Variants in PGBD5 observed in about 807,000 individuals in gnomAD.
PGBD5 encodes piggyBac transposable element-derived protein 5.
In PGBD5, 14 loss-of-function variants were observed where a neutral mutation model predicts 47.9. The ratio of observed to expected loss-of-function variants is 0.29; its 90% confidence interval spans 0.19 to 0.46. The LOEUF is 0.46. PGBD5 is among the 20% of genes least tolerant of loss of function. The pLI, the probability that PGBD5 is intolerant of heterozygous loss-of-function variation, is 1.00. For missense variants in PGBD5, 635 were observed against 716.0 expected, an observed-to-expected ratio of 0.89 and a Z score of 1.29; for synonymous variants, 316 against 306.3, an observed-to-expected ratio of 1.03 and a Z score of -0.33.
chr1:230,411,408 T>C (rs1175200343), intron 1 of PGBD5, among the ~76,000 whole-genome samples: 1 of 152,202 alleles, frequency 6.6e-6, no homozygotes, highest in African/African-American at 2.4e-5. Flanking sequence ...ATATACTGCA[T>C]GGAACTTCAT....
intron 1 of PGBD5, among the ~76,000 whole-genome samples, chr1:230,404,546 G>A (rs1240283374): frequency 6.6e-6 from 1 of 150,448 alleles, no homozygotes; most frequent in African/African-American, 2.5e-5. Flanking sequence ...GGAGGCTGAG[G>A]CTGCAGTGGG....
At chr1:230,331,901 C>T (rs1471833467) in intron 5 of PGBD5, among the ~76,000 whole-genome samples, 2 of 151,698 alleles carry the variant, frequency 1.3e-5, no homozygotes, top group South Asian at 2.1e-4. Context: ...GTCCCTTGAT[C>T]GCAATCTCCA....
At chr1:230,344,033 C>T (rs1667443096) in intron 3 of PGBD5, among the ~76,000 whole-genome samples, 1 of 152,168 alleles carries the variant, frequency 6.6e-6, no homozygotes, top group Non-Finnish European at 1.5e-5. Flanking sequence ...CACCTGTAAT[C>T]CCAGCACTTT....
chr1:230,359,431 CCTTT>C (rs1380651228), intron 1 of PGBD5, among the ~76,000 whole-genome samples: 1 of 152,170 alleles, frequency 6.6e-6, no homozygotes, highest in Non-Finnish European at 1.5e-5. Context: ...CTCCAACCTT[CCTTT>C]ATTACTGATT....
At chr1:230,420,850 TTAA>T (rs1254531154) in intron 1 of PGBD5, among the ~76,000 whole-genome samples, 1 of 152,134 alleles carries the variant, frequency 6.6e-6, no homozygotes, top group Non-Finnish European at 1.5e-5. Context: ...ATGTAACCTG[TTAA>T]TAAGAAAAAA....
chr1:230,405,784 G>A (rs1260052741), intron 1 of PGBD5, among the ~76,000 whole-genome samples: 2 of 152,214 alleles, frequency 1.3e-5, no homozygotes, highest in Admixed American at 6.5e-5. Flanking sequence ...GCCTTCTCAG[G>A]GGTGAATAGT....
chr1:230,368,226 T>C (rs1667872816), intron 1 of PGBD5: 2 of 1,282,270 alleles, frequency 1.6e-6, no homozygotes, highest in South Asian at 1.3e-5. Flanking sequence ...GAAATATACA[T>C]GGACTTGGGA....
At chr1:230,415,365 T>C (rs1343604939) in intron 1 of PGBD5, among the ~76,000 whole-genome samples, 1 of 152,100 alleles carries the variant, frequency 6.6e-6, no homozygotes, top group Non-Finnish European at 1.5e-5. Context: ...CAGAAAAATC[T>C]CCCTGTATCC....
rs6697905 is a variant in PGBD5, at chr1:230,408,768, T to C, written c.331+16830A>G. Among the ~76,000 whole-genome samples the C allele has an allele frequency of 2.4e-3, 358 of 152,282 alleles. 1 individual carries two copies. The highest frequency in any genetic ancestry group is 8.1e-3 in the African/African-American group (336 of 41,548). ...ATGATCAAGCTCTTAGAAGAAAGCA[T>C]AGGGTTAAATCTCAGTGATTTCAAA... On this transcript the variant is annotated intron_variant, in intron 1 of 6. Coordinates refer to ENST00000391860, the MANE Select transcript of PGBD5 (RefSeq NM_001258311.2).
chr1:230,423,122 A>T (rs750412407), intron 1 of PGBD5, among the ~76,000 whole-genome samples: 2 of 152,160 alleles, frequency 1.3e-5, no homozygotes, highest in African/African-American at 4.8e-5. Context: ...TCCATAAAAC[A>T]CATTTATGTA....
rs537938210 is a variant in PGBD5, at chr1:230,324,654, G to A, written c.1379+656C>T. ...TTCTAAGTGGTAAGGCTCAATCCCA[G>A]TAATTTAATAGTTTCAATGTTCAAT... On this transcript the variant is annotated intron_variant, in intron 6 of 6. Coordinates refer to ENST00000391860, the MANE Select transcript of PGBD5 (RefSeq NM_001258311.2). Among the ~76,000 whole-genome samples, 24 of 152,298 alleles carry A rather than the reference G, an allele frequency of 1.6e-4. No individual in the cohort carries two copies. In the South Asian group the frequency reaches 5.0e-3, roughly 32 times the overall value.
chr1:230,342,947 G>T (rs192099887), intron 3 of PGBD5, among the ~76,000 whole-genome samples: 19 of 152,326 alleles, frequency 1.2e-4, no homozygotes, highest in Admixed American at 2.0e-4. Context: ...ATGAGGCTAG[G>T]AACTGCCATC....
intron 1 of PGBD5, chr1:230,362,464 A>T: frequency 8.2e-7 from 1 of 1,226,218 alleles, no homozygotes; most frequent in South Asian, 1.4e-5. Flanking sequence ...TCAAGGCCTG[A>T]TCCTCCTGGA....
At chr1:230,362,973 T>G (rs1366669981) in intron 1 of PGBD5, among the ~76,000 whole-genome samples, 1 of 152,044 alleles carries the variant, frequency 6.6e-6, no homozygotes, top group Non-Finnish European at 1.5e-5. Context: ...CTCGGTCACA[T>G]CCCTGAGGAT....
At chr1:230,367,424 G>A (rs1443064300) in intron 1 of PGBD5, among the ~76,000 whole-genome samples, 5 of 152,178 alleles carry the variant, frequency 3.3e-5, no homozygotes, top group Admixed American at 6.5e-5. Context: ...GATGCTGGCC[G>A]GGCACAGTGG....
chr1:230,356,832 C>T, intron 2 of PGBD5, 62 bp downstream of exon 2: 4 of 1,545,976 alleles, frequency 2.6e-6, no homozygotes, highest in Non-Finnish European at 2.6e-6. Context: ...TGCCAACAGA[C>T]AAGGCTAGGC....
chr1:230,347,381 G>C (rs1423329700), intron 3 of PGBD5, among the ~76,000 whole-genome samples: 1 of 152,128 alleles, frequency 6.6e-6, no homozygotes, highest in Non-Finnish European at 1.5e-5. Flanking sequence ...CAGCAGGCTG[G>C]GCGCCCAGGG....
Position 230,323,623 on chromosome 1 carries a change from G to A in PGBD5, c.1380-3C>T. On this transcript the variant is annotated splice_polypyrimidine_tract_variant and splice_region_variant and intron_variant, in intron 6 of 6. Transcript: ENST00000391860. The surrounding 1 kb of genome is among the most constrained non-coding windows in gnomAD (Gnocchi z 4.1). ...TTGGTTTATGAGAAATGAAATACCT[G>A]AGGACAGAGGGAATAAGAACGGCTG... The A allele has an allele frequency of 4.3e-6, 7 of 1,612,148 alleles. No homozygotes were observed. Among genetic ancestry groups the A allele is most frequent in the Non-Finnish European group, 5.9e-6 (7 of 1,178,866 alleles).
At chr1:230,358,007 CAT>C (rs1332167814) in intron 1 of PGBD5, among the ~76,000 whole-genome samples, 3 of 151,986 alleles carry the variant, frequency 2.0e-5, no homozygotes, top group African/African-American at 4.8e-5. Context: ...GGCACACACA[CAT>C]ATATACACAT....
Sources: allele counts gnomAD v4.1 joint callset (sites outside exome capture counted in the v4.1 genomes callset), GRCh38; gene constraint gnomAD v4.1.1; non-coding constraint Gnocchi (gnomAD v3.1); transcripts MANE v1.5; gene names NCBI Gene and HGNC (gene_info 2026-07-23, HGNC 2026-07-21).